PHLDB1: variants seen among roughly 807,000 people sequenced by gnomAD.
The protein encoded by PHLDB1 is pleckstrin homology like domain family B member 1.
Under a neutral mutation model 139.3 loss-of-function variants are expected in PHLDB1, and 65 were observed. The observed-to-expected ratio is 0.47, with a 90% CI of 0.38 to 0.57. PHLDB1 has a LOEUF of 0.57. PHLDB1 is among the 20% of genes least tolerant of loss of function. PHLDB1 has a pLI of 0.00. For synonymous variants in PHLDB1, 679 were observed against 734.5 expected (o/e 0.92, Z 1.22); for missense variants, 1,624 against 1,839.7 (o/e 0.88, Z 2.14).
intron 4 of PHLDB1, among the ~76,000 whole-genome samples, chr11:118,618,123 C>T (rs1001566146): frequency 6.6e-6 from 1 of 152,114 alleles, no homozygotes; most frequent in African/African-American, 2.4e-5. Context: ...TGACCCTTCC[C>T]GACTCTTCTC....
chr11:118,611,829 A>ATAATAGT lies in PHLDB1; in HGVS notation c.-21-1987_-21-1986insTAATAGT, dbSNP rs1555084253. Among the ~76,000 whole-genome samples the ATAATAGT allele has an allele frequency of 6.7e-6, 1 of 148,152 alleles. No homozygotes were observed. Among genetic ancestry groups the ATAATAGT allele is most frequent in the Non-Finnish European group, 1.5e-5 (1 of 67,294 alleles). On this transcript the variant is annotated intron_variant, in intron 1 of 22. Transcript: ENST00000600882. The surrounding 1 kb of genome is among the most constrained non-coding windows in gnomAD (Gnocchi z 4.7). ...GTGAAACTCCGTCTCAAAAAAAAAA[A>ATAATAGT]AAAAATAATAATAATAATAATAAAT...
At chr11:118,634,685 C>G (rs1443645935) in intron 9 of PHLDB1, 1 of 228,116 alleles carries the variant, frequency 4.4e-6, no homozygotes, top group African/African-American at 2.3e-5. Context: ...TCTCCCTCTT[C>G]ACCTCTTTCC....
At chr11:118,652,568 C>T (rs149447556) in intron 20 of PHLDB1, 1 of 152,366 alleles carries the variant, frequency 6.6e-6, no homozygotes, top group East Asian at 1.9e-4. Context: ...GAGGGAAACA[C>T]TATTTTTATG....
intron 4 of PHLDB1, among the ~76,000 whole-genome samples, chr11:118,619,200 A>G (rs1287349662): frequency 6.6e-6 from 1 of 152,176 alleles, no homozygotes; most frequent in Non-Finnish European, 1.5e-5. Flanking sequence ...GAGGACCCAG[A>G]AAGCCACCAG....
At position 118,648,090 on chromosome 11, in the gene PHLDB1, G is replaced by C. The variant is rs61902660; in HGVS notation, c.3654+14G>C. 81 of 1,611,872 alleles carry C rather than the reference G, an allele frequency of 5.0e-5. No homozygotes were observed. Among genetic ancestry groups the C allele is most frequent in the Non-Finnish European group, 6.4e-5 (76 of 1,178,740 alleles). The stretch of plus-strand genomic sequence containing the variant: ...CAATTTTCCCAGGTGAATGGGCAGT[G>C]GGGCACAGTGGTGGTTGGTTTGACG... On this transcript the variant is annotated intron_variant, in intron 18 of 22. Coordinates refer to ENST00000600882, the MANE Select transcript of PHLDB1 (RefSeq NM_001144758.3).
At chr11:118,636,587 T>C (rs1555115861) in intron 10 of PHLDB1, 1 of 152,168 alleles carries the variant, frequency 6.6e-6, no homozygotes, top group African/African-American at 2.4e-5. Flanking sequence ...TAGGACGGTA[T>C]CACAAGACAA....
At position 118,623,874 on chromosome 11, in the gene PHLDB1, TTGTGTGTGTG is replaced by T. The variant is rs3222268; in HGVS notation, c.356-1025_356-1016del. ...AGGTGTGTCTGTGTTCTCTGAACAT[TTGTGTGTGTG>T]TGTGTGTGTGTGTGTGTGTGTGTGT... On this transcript the variant is annotated intron_variant, in intron 4 of 22. Coordinates refer to ENST00000600882, the MANE Select transcript of PHLDB1 (RefSeq NM_001144758.3). Among the ~76,000 whole-genome samples the T allele has an allele frequency of 2.6e-3, 373 of 141,278 alleles. 1 individual carries two copies. The highest frequency in any genetic ancestry group is 0.019 in the East Asian group (89 of 4,802). The allele number at this position is 141,278 out of a possible 152,430, so 92.7% of individuals were successfully genotyped here.
In PHLDB1 at chr11:118,614,862, A is replaced by G. The variant is rs1477835311; in HGVS notation, c.184+180A>G. 6.7e-6 allele frequency: 4 copies of G among 597,092 alleles called. No individual in the cohort carries two copies. In the East Asian group the frequency reaches 1.2e-4, roughly 17 times the overall value. The allele number at this position is 597,092 out of a possible 1,614,324, so 37.0% of individuals were successfully genotyped here. Reference sequence around the variant, plus strand: ...CCAGACTGCCTGCCTTCCTTGGTAGATGATCTGGTTCCACGACTGGGCTTA... The same window carrying G: ...CCAGACTGCCTGCCTTCCTTGGTAGGTGATCTGGTTCCACGACTGGGCTTA... On this transcript the variant is annotated intron_variant, in intron 3 of 22. Transcript: ENST00000600882.
In PHLDB1 at chr11:118,632,136, G is replaced by C; in HGVS notation, c.2242-23G>C. ...GGGGCCACAGTCAGCTGCTTTGATG[G>C]GGACCCTGGTGTCTGCCCCCAGGCC... On this transcript the variant is annotated intron_variant, in intron 8 of 22. Coordinates refer to ENST00000600882, the MANE Select transcript of PHLDB1 (RefSeq NM_001144758.3). This position sits in a 1 kb window ranked among gnomAD's most constrained non-coding sequence, Gnocchi z 5.9. 1 of 1,613,940 alleles carries C rather than the reference G, an allele frequency of 6.2e-7. No individual in the cohort carries two copies. The highest frequency in any genetic ancestry group is 1.7e-5 in the Admixed American group (1 of 60,028).
chr11:118,625,273 G>A (rs1275683260), intron 5 of PHLDB1, among the ~76,000 whole-genome samples: 2 of 152,224 alleles, frequency 1.3e-5, no homozygotes, highest in African/African-American at 4.8e-5. Flanking sequence ...GGGAAATTAT[G>A]TGCCTCGAGG....
At chr11:118,638,794 C>A in intron 10 of PHLDB1, 97 bp from the exon 11 acceptor site, 7 of 882,312 alleles carry the variant, frequency 7.9e-6, no homozygotes, top group Non-Finnish European at 1.2e-5. Context: ...TCCCCTTCAC[C>A]TGAGCCTTGA....
chr11:118,613,625 G>A (rs1468150943), intron 1 of PHLDB1, 191 bp from the exon 2 acceptor site: 2 of 599,536 alleles, frequency 3.3e-6, no homozygotes, highest in African/African-American at 3.8e-5. Context: ...GTGGCTGGCT[G>A]GAGACTTGGC....
At chr11:118,613,713 G>A (rs1555085901) in intron 1 of PHLDB1, 103 bp from the exon 2 acceptor site, 11 of 677,528 alleles carry the variant, frequency 1.6e-5, no homozygotes, top group Non-Finnish European at 5.1e-6. Flanking sequence ...GGGAATGATG[G>A]TGACTGGTGA....
Position 118,628,276 on chromosome 11 carries a change from G to C in PHLDB1, c.1453G>C (p.Glu485Gln). The C allele has an allele frequency of 6.2e-7, 1 of 1,614,072 alleles. No homozygotes were observed. The highest frequency in any genetic ancestry group is 8.5e-7 in the Non-Finnish European group (1 of 1,180,028). The change falls in exon 6 of 23, where the codon GAA (glutamate) becomes CAA (glutamine). Residue 485 changes from glutamate to glutamine, a missense_variant. Glu to Gln is a conservative substitution (Grantham distance 29, BLOSUM62 2). Transcript: ENST00000600882. ...RTTPDPKLNR[E>Q]VAESPRPRRW... is the part of the protein sequence containing the mutation. ...CACCCCAGATCCCAAGCTAAACAGG[G>C]AAGTGGCAGAGAGTCCTCGGCCCCG...
chr11:118,652,427 A>C (rs1407912261), intron 20 of PHLDB1: 1 of 152,232 alleles, frequency 6.6e-6, no homozygotes, highest in Admixed American at 6.5e-5. Flanking sequence ...TCAGGATTAG[A>C]GGTGGAGTAA....
chr11:118,652,437 A>G (rs910300099), intron 20 of PHLDB1: 2 of 152,224 alleles, frequency 1.3e-5, no homozygotes, highest in Non-Finnish European at 2.9e-5. Context: ...AGGTGGAGTA[A>G]TAGTTGAATC....
At position 118,631,290 on chromosome 11, in the gene PHLDB1, C is replaced by A; in HGVS notation, c.1911C>A (p.Pro637=). 1 of 1,526,556 alleles carries A rather than the reference C, an allele frequency of 6.6e-7. No homozygotes were observed. The highest frequency in any genetic ancestry group is 2.2e-5 in the Admixed American group (1 of 46,034). 94.6% of individuals were successfully genotyped at this position (1,526,556 alleles called of 1,614,324 possible). A position where few individuals can be genotyped will look rare whatever the true frequency, so the allele number is the denominator to read the frequency against. Reference sequence around the variant, plus strand: ...GGGGACCTGAGGCTGGGGAGCTTCCCAGCATTGGGGAGGCCACCGCAGCAT... The same window carrying A: ...GGGGACCTGAGGCTGGGGAGCTTCCAAGCATTGGGGAGGCCACCGCAGCAT... The part of the protein sequence containing the change: ...ADGGPEAGEL[P]SIGEATAALA... Residue 637 remains proline (P), a synonymous_variant, in exon 7 of 23, where the codon CCC becomes CCA. Transcript: ENST00000600882.
rs1942543402 is a variant in PHLDB1, at chr11:118,620,436, G to A, written c.355+4225G>A. Among the ~76,000 whole-genome samples the A allele has an allele frequency of 6.6e-6, 1 of 152,170 alleles. No homozygotes were observed. ...GAACCCCGGAGGCGGAGGTTGCAGT[G>A]AGCCGAGATCGCACCATTGCACTCC... On this transcript the variant is annotated intron_variant, in intron 4 of 22. Coordinates refer to ENST00000600882, the MANE Select transcript of PHLDB1 (RefSeq NM_001144758.3). The surrounding 1 kb of genome is among the most constrained non-coding windows in gnomAD (Gnocchi z 4.1).
chr11:118,649,206 A>T lies in PHLDB1; in HGVS notation c.3655-871A>T, dbSNP rs569451245. On this transcript the variant is annotated intron_variant, in intron 18 of 22. Transcript: ENST00000600882. ...TGAGGCATGAGAATCGCTTGAATCCAGGAGGTGGAGGTTGCAGTGAGCCGA... is the reference window on the plus strand; with the variant it reads ...TGAGGCATGAGAATCGCTTGAATCCTGGAGGTGGAGGTTGCAGTGAGCCGA... 1.1e-4 allele frequency among the ~76,000 whole-genome samples: 16 copies of T among 152,074 alleles called. No homozygotes were observed. The South Asian group carries it at 3.3e-3, about 32-fold the overall frequency.
Sources: allele counts gnomAD v4.1 joint callset (sites outside exome capture counted in the v4.1 genomes callset), GRCh38; gene constraint gnomAD v4.1.1; non-coding constraint Gnocchi (gnomAD v3.1); transcripts MANE v1.5; gene names NCBI Gene and HGNC (gene_info 2026-07-23, HGNC 2026-07-21).